The following CLEC3A variants were observed in gnomAD, a reference collection of about 807,000 sequenced individuals.
CLEC3A encodes the protein C-type lectin domain family 3 member A, also known as C-type (calcium dependent, carbohydrate-recognition domain) lectin, superfamily member 1 (cartilage-derived).
Under a neutral mutation model 20.4 loss-of-function variants are expected in CLEC3A, and 28 were observed. The observed-to-expected ratio is 1.37, with a 90% confidence interval of 1.02 to 1.88. The LOEUF (loss-of-function observed/expected upper bound fraction) is 1.88, where lower values mean the gene tolerates loss of function less well. CLEC3A is among the 40% of genes most tolerant of loss of function. The pLI is 0.00. For synonymous variants in CLEC3A, 110 were observed against 88.1 expected (o/e 1.25, Z -1.39); for missense variants, 357 against 240.4 (o/e 1.48, Z -3.21).
intron 1 of CLEC3A, among the ~76,000 whole-genome samples, chr16:78,027,894 G>T (rs145840679): frequency 1.3e-5 from 2 of 152,178 alleles, no homozygotes; most frequent in African/African-American, 4.8e-5. Flanking sequence ...GGCCTCAAGT[G>T]GTCCACCCGC....
At chr16:78,025,338 T>C (rs1227300188) in intron 1 of CLEC3A, among the ~76,000 whole-genome samples, 2 of 152,222 alleles carry the variant, frequency 1.3e-5, no homozygotes, top group Admixed American at 6.5e-5. Flanking sequence ...TTTGATTCAA[T>C]AGCCCCAAGT....
intron 1 of CLEC3A, among the ~76,000 whole-genome samples, chr16:78,026,314 A>G (rs2029921014): frequency 6.6e-6 from 1 of 152,182 alleles, no homozygotes; most frequent in African/African-American, 2.4e-5. Context: ...TGTCCTGAAA[A>G]ATCCAGTACA....
chr16:78,029,628 T>G (rs1027851496), intron 2 of CLEC3A, among the ~76,000 whole-genome samples: 2 of 152,006 alleles, frequency 1.3e-5, no homozygotes, highest in Non-Finnish European at 2.9e-5. Context: ...TCTGCCTCCC[T>G]AAGTGCTGGG....
intron 1 of CLEC3A, 122 bp downstream of exon 1, chr16:78,022,863 C>T: frequency 1.1e-6 from 1 of 929,566 alleles, no homozygotes; most frequent in Non-Finnish European, 1.6e-6. Context: ...TGCCATCATC[C>T]CTATATGGCA....
At position 78,030,748 on chromosome 16, in the gene CLEC3A, T is replaced by C. The variant is rs576147872; in HGVS notation, c.501T>C (p.Cys167=). 6.2e-7 allele frequency: 1 copy of C among 1,614,142 alleles called. No homozygotes were observed. Among genetic ancestry groups the C allele is most frequent in the South Asian group, 1.1e-5 (1 of 91,074 alleles). Residue 167 remains cysteine (C), a synonymous_variant, in exon 3 of 3, where the codon TGT becomes TGC. Transcript: ENST00000299642. ...CTAACGGTGGCAAGCGAGAAAACTGTGTCCTGTTCTCCCAATCAGCTCAGG... is the reference window on the plus strand; with the variant it reads ...CTAACGGTGGCAAGCGAGAAAACTGCGTCCTGTTCTCCCAATCAGCTCAGG... ...AQPNGGKREN[C]VLFSQSAQGK...
intron 1 of CLEC3A, among the ~76,000 whole-genome samples, chr16:78,022,953 A>C (rs1311548193): frequency 6.6e-6 from 1 of 152,198 alleles, no homozygotes; most frequent in African/African-American, 2.4e-5. Context: ...TTAAAAAAAA[A>C]CAACAGGGAA....
Position 78,031,772 on chromosome 16 carries a change from T to C in CLEC3A, c.*931T>C, listed in dbSNP as rs956424485. ...TTATGGGCAACCAATCTTTGGAAGC[T>C]GAAAACTGAATTTAAAGAATGCTAT... On this transcript the variant is annotated 3_prime_UTR_variant, in exon 3 of 3. Transcript: ENST00000299642. 2 of 152,170 alleles carry C rather than the reference T, an allele frequency of 1.3e-5. No individual in the cohort carries two copies. The highest frequency in any genetic ancestry group is 4.8e-5 in the African/African-American group (2 of 41,452). 9.4% of individuals were successfully genotyped at this position (152,170 alleles called of 1,614,324 possible). A position where few individuals can be genotyped will look rare whatever the true frequency, so the allele number is the denominator to read the frequency against.
chr16:78,027,681 A>T (rs527842124), intron 1 of CLEC3A, among the ~76,000 whole-genome samples: 7 of 151,506 alleles, frequency 4.6e-5, no homozygotes, highest in African/African-American at 1.7e-4. Flanking sequence ...TTTCAGACAG[A>T]GTTTCACTCC....
At chr16:78,022,804 A>G (rs564177878) in intron 1 of CLEC3A, 63 bp downstream of exon 1, 1 of 1,569,282 alleles carries the variant, frequency 6.4e-7, no homozygotes, top group East Asian at 2.3e-5. Flanking sequence ...GTGCTGGACA[A>G]TGTTAATTTT....
At chr16:78,026,196 C>T (rs2029918029) in intron 1 of CLEC3A, among the ~76,000 whole-genome samples, 1 of 152,148 alleles carries the variant, frequency 6.6e-6, no homozygotes, top group Non-Finnish European at 1.5e-5. Flanking sequence ...AGGCAGGGGC[C>T]ACCCCTGGAT....
intron 1 of CLEC3A, 103 bp from the exon 2 acceptor site, chr16:78,028,004 C>G (rs1299602281): frequency 2.4e-6 from 2 of 834,052 alleles, no homozygotes; most frequent in South Asian, 1.5e-5. Context: ...CTCAGGTTCA[C>G]CAAAACCACT....
chr16:78,029,599 A>T (rs1051135197), intron 2 of CLEC3A, among the ~76,000 whole-genome samples: 47 of 151,846 alleles, frequency 3.1e-4, no homozygotes, highest in Non-Finnish European at 6.3e-4. Flanking sequence ...TGAACTCTTG[A>T]CCTTGTGATC....
rs1232390210 is a variant in CLEC3A at position 78,031,157 on chromosome 16, C to CA, written c.*318dup. ...GTTTGTTTTCAAAAAATCACAGTAG[C>CA]AATGCAACTCATCACTCTAGAAAAG... On this transcript the variant is annotated 3_prime_UTR_variant, in exon 3 of 3. Coordinates refer to ENST00000299642, the MANE Select transcript of CLEC3A (RefSeq NM_005752.6). The CA allele has an allele frequency of 4.4e-6, 1 of 227,070 alleles. No homozygotes were observed. The highest frequency in any genetic ancestry group is 1.1e-4 in the East Asian group (1 of 9,286). 14.1% of individuals were successfully genotyped at this position (227,070 alleles called of 1,614,324 possible). A position where few individuals can be genotyped will look rare whatever the true frequency, so the allele number is the denominator to read the frequency against.
At chr16:78,024,268 G>T (rs920495172) in intron 1 of CLEC3A, among the ~76,000 whole-genome samples, 3 of 152,144 alleles carry the variant, frequency 2.0e-5, no homozygotes, top group African/African-American at 7.2e-5. Flanking sequence ...TCGTGAGAGT[G>T]GCGATCACCC....
chr16:78,022,849 AC>A, intron 1 of CLEC3A, 108 bp downstream of exon 1: 1 of 1,160,254 alleles, frequency 8.6e-7, no homozygotes, highest in Non-Finnish European at 1.2e-6. Context: ...CGGTGATGGC[AC>A]CATGCCATCA....
rs1054711445 is a variant in CLEC3A, at chr16:78,032,059, C to T, written c.*1218C>T. On this transcript the variant is annotated 3_prime_UTR_variant, in exon 3 of 3. Transcript: ENST00000299642. ...ACACATGCTTGGAATTAAGTTTTAG[C>T]TGTTTTCATTGCTCAATAATAAAGC... is the stretch of plus-strand genomic sequence containing the variant. The T allele has an allele frequency of 6.6e-6, 1 of 152,546 alleles. No homozygotes were observed. The highest frequency in any genetic ancestry group is 1.5e-5 in the Non-Finnish European group (1 of 68,018). The allele number at this position is 152,546 out of a possible 1,614,324, so 9.4% of individuals were successfully genotyped here.
intron 1 of CLEC3A, among the ~76,000 whole-genome samples, chr16:78,024,471 G>A (rs2018787285): frequency 6.6e-6 from 1 of 151,724 alleles, no homozygotes; most frequent in Admixed American, 6.6e-5. Context: ...CACTGCCTCT[G>A]TCATAACCAC....
At chr16:78,023,893 G>T (rs2018780034) in intron 1 of CLEC3A, among the ~76,000 whole-genome samples, 1 of 151,824 alleles carries the variant, frequency 6.6e-6, no homozygotes, top group Non-Finnish European at 1.5e-5. Flanking sequence ...AAGTAGCTAG[G>T]ACTACAGGCG....
In CLEC3A at chr16:78,030,906, T is replaced by C. The variant is rs113389765; in HGVS notation, c.*65T>C. The C allele has an allele frequency of 1.5e-5, 22 of 1,482,878 alleles. No individual in the cohort carries two copies. The South Asian group carries it at 2.5e-4, about 17-fold the overall frequency. The allele number at this position is 1,482,878 out of a possible 1,614,324, so 91.9% of individuals were successfully genotyped here. On this transcript the variant is annotated 3_prime_UTR_variant, in exon 3 of 3. Coordinates refer to ENST00000299642, the MANE Select transcript of CLEC3A (RefSeq NM_005752.6). ...ACTTATAGGTTCATGATCTCTAAGA[T>C]CAAGTAAAAATCATAATTTTTACTT...
Sources: gnomAD v4.1 joint callset for allele counts (sites outside exome capture counted in the v4.1 genomes callset) on GRCh38, gnomAD v4.1.1 for gene constraint, MANE v1.5 for transcripts, NCBI Gene and HGNC (gene_info 2026-07-23, HGNC 2026-07-21) for gene names.